The following IGFBP4 variants were observed in gnomAD, a reference collection of about 807,000 sequenced individuals.
IGFBP4 encodes insulin like growth factor binding protein 4, also known as insulin-like growth factor-binding protein 4.
A neutral mutation model predicts 25.8 loss-of-function variants in IGFBP4; 9 were observed. That is an observed-to-expected ratio of 0.35 (90% confidence interval 0.21 to 0.61). The LOEUF is 0.61. IGFBP4 is among the 20% of genes least tolerant of loss of function. The pLI is 0.77. For missense variants in IGFBP4, 315 were observed against 365.3 expected, an observed-to-expected ratio of 0.86 and a Z score of 1.12; for synonymous variants, 153 against 153.9, an observed-to-expected ratio of 0.99 and a Z score of 0.05.
intron 1 of IGFBP4, among the ~76,000 whole-genome samples, chr17:40,450,744 T>G (rs961945821): frequency 6.6e-6 from 1 of 151,738 alleles, no homozygotes; most frequent in Non-Finnish European, 1.5e-5. Context: ...AGGCTAGTCT[T>G]GAACTCCTGG....
In IGFBP4 at chr17:40,457,227, T is replaced by G. The variant is rs1007303082; in HGVS notation, c.*644T>G. On this transcript the variant is annotated 3_prime_UTR_variant, in exon 4 of 4. Coordinates refer to ENST00000269593, the MANE Select transcript of IGFBP4 (RefSeq NM_001552.3). ...GCTCAGACTTGCCAGGCTCCCTTTC[T>G]CTTCTTCCCCAGGTCCTTCCTTTAG... The G allele has an allele frequency of 1.3e-5, 2 of 152,246 alleles. No individual in the cohort carries two copies. Among genetic ancestry groups the G allele is most frequent in the Non-Finnish European group, 2.9e-5 (2 of 68,108 alleles). The allele number at this position is 152,246 out of a possible 1,614,324, so 9.4% of individuals were successfully genotyped here.
intron 1 of IGFBP4, among the ~76,000 whole-genome samples, chr17:40,447,366 C>A (rs1055020209): frequency 6.6e-6 from 1 of 152,224 alleles, no homozygotes; most frequent in African/African-American, 2.4e-5. Context: ...CTCATGGAAT[C>A]TGGGGGAGTG....
rs1016620407 is a variant in IGFBP4, at chr17:40,457,427, G to A, written c.*844G>A. On this transcript the variant is annotated 3_prime_UTR_variant, in exon 4 of 4. Transcript: ENST00000269593. ...AAGAGTGGACTGAATGTGCCTAATG[G>A]AGAAGACCCACGTGCTAGGGGATGA... 6.6e-6 allele frequency: 1 copy of A among 152,190 alleles called. No homozygotes were observed. Among genetic ancestry groups the A allele is most frequent in the Non-Finnish European group, 1.5e-5 (1 of 68,118 alleles). 9.4% of individuals were successfully genotyped at this position (152,190 alleles called of 1,614,324 possible). A position where few individuals can be genotyped will look rare whatever the true frequency, so the allele number is the denominator to read the frequency against.
Position 40,453,185 on chromosome 17 carries a change from C to CAG in IGFBP4, c.507+44_507+45insGA. On this transcript the variant is annotated intron_variant, in intron 2 of 3. Coordinates refer to ENST00000269593, the MANE Select transcript of IGFBP4 (RefSeq NM_001552.3). This position sits in a 1 kb window ranked among gnomAD's most constrained non-coding sequence, Gnocchi z 4.0. ...ACAAATGTGCATGTGCATAGACACA[C>CAG]ACACACACATGCCCCCTGCCCCCCA... 1 of 1,412,518 alleles carries CAG rather than the reference C, an allele frequency of 7.1e-7. No homozygotes were observed. Among genetic ancestry groups the CAG allele is most frequent in the East Asian group, 2.7e-5 (1 of 37,696 alleles). The allele number at this position is 1,412,518 out of a possible 1,614,324, so 87.5% of individuals were successfully genotyped here.
At chr17:40,448,674 C>G (rs1323111086) in intron 1 of IGFBP4, among the ~76,000 whole-genome samples, 2 of 152,224 alleles carry the variant, frequency 1.3e-5, no homozygotes, top group Non-Finnish European at 2.9e-5. Context: ...TCAAGAGACT[C>G]AATGCTATAA....
intron 1 of IGFBP4, among the ~76,000 whole-genome samples, chr17:40,452,012 A>T (rs1294384590): frequency 6.6e-6 from 1 of 151,808 alleles, no homozygotes; most frequent in African/African-American, 2.4e-5. Flanking sequence ...TAATTTTTAA[A>T]TTTTTTGTGA....
intron 1 of IGFBP4, among the ~76,000 whole-genome samples, chr17:40,445,793 C>T (rs1279608968): frequency 6.6e-6 from 1 of 152,068 alleles, no homozygotes; most frequent in Non-Finnish European, 1.5e-5. Context: ...GAGTCACGTT[C>T]CCTTTGAATC....
chr17:40,447,680 T>C (rs1229419145), intron 1 of IGFBP4, among the ~76,000 whole-genome samples: 1 of 152,230 alleles, frequency 6.6e-6, no homozygotes, highest in African/African-American at 2.4e-5. Flanking sequence ...GACAGAGTGC[T>C]GCAGAGCTAA....
rs766909574 is a variant in IGFBP4, at chr17:40,453,140, G to C, written c.505G>C (p.Val169Leu). 3.2e-6 allele frequency: 5 copies of C among 1,561,788 alleles called. No individual in the cohort carries two copies. The highest frequency in any genetic ancestry group is 1.9e-5 in the Admixed American group (1 of 53,030). ...GGCGCCCCGGGAGGATGCCCGGCCT[G>C]TGGTAAGGACCTCCGATGCACAAAT... ...NGAPREDARP[V>L]PQGSCQSELH... Residue 169 changes from valine (V) to leucine (L), a missense_variant and splice_region_variant, in exon 2 of 4, where the codon GTG becomes CTG. Val to Leu is a conservative substitution (Grantham distance 32). Transcript: ENST00000269593. This position sits in a 1 kb window ranked among gnomAD's most constrained non-coding sequence, Gnocchi z 4.0.
chr17:40,444,884 A>ACAC (rs2035632456), intron 1 of IGFBP4, among the ~76,000 whole-genome samples: 17 of 80,346 alleles, frequency 2.1e-4, no homozygotes, highest in East Asian at 1.9e-3. Flanking sequence ...GAGAGAGAGA[A>ACAC]ACACACACAC....
chr17:40,449,208 C>T (rs2035667798), intron 1 of IGFBP4, among the ~76,000 whole-genome samples: 1 of 152,334 alleles, frequency 6.6e-6, no homozygotes, highest in Non-Finnish European at 1.5e-5. Flanking sequence ...TGCCTCTGGA[C>T]TCACCCTGTG....
At chr17:40,452,784 G>A (rs937456701) in intron 1 of IGFBP4, among the ~76,000 whole-genome samples, 2 of 152,086 alleles carry the variant, frequency 1.3e-5, no homozygotes, top group African/African-American at 4.8e-5. Flanking sequence ...ACTTCAAGAG[G>A]AATATTCTCC....
intron 1 of IGFBP4, among the ~76,000 whole-genome samples, chr17:40,452,325 G>A (rs2035688048): frequency 6.6e-6 from 1 of 152,188 alleles, no homozygotes; most frequent in African/African-American, 2.4e-5. Context: ...AGGAATGTGT[G>A]AGGCTGTTCT....
intron 3 of IGFBP4, 74 bp downstream of exon 3, chr17:40,454,136 C>A: frequency 6.6e-7 from 1 of 1,519,948 alleles, no homozygotes; most frequent in South Asian, 1.3e-5. Flanking sequence ...GCAGGATGGT[C>A]CTGGATGGAG....
At chr17:40,449,514 C>T (rs771094886) in intron 1 of IGFBP4, among the ~76,000 whole-genome samples, 1 of 151,964 alleles carries the variant, frequency 6.6e-6, no homozygotes, top group Non-Finnish European at 1.5e-5. Flanking sequence ...TTTGAGAGGC[C>T]GAGGCAGGTG....
intron 3 of IGFBP4, among the ~76,000 whole-genome samples, chr17:40,454,722 G>A (rs1005703402): frequency 1.5e-4 from 23 of 152,328 alleles, no homozygotes; most frequent in African/African-American, 5.3e-4. Flanking sequence ...AGGAGGCTGG[G>A]ATGGTCAGCA....
At position 40,443,869 on chromosome 17, in the gene IGFBP4, A is replaced by G; in HGVS notation, c.134A>G (p.Glu45Gly). 2 of 1,531,362 alleles carry G rather than the reference A, an allele frequency of 1.3e-6. No individual in the cohort carries two copies. Among genetic ancestry groups the G allele is most frequent in the Non-Finnish European group, 1.7e-6 (2 of 1,144,944 alleles). 94.9% of individuals were successfully genotyped at this position (1,531,362 alleles called of 1,614,324 possible). Residue 45 changes from glutamate to glycine, a missense_variant, in exon 1 of 4, where the codon GAG becomes GGG. Glu to Gly is a moderately conservative substitution (Grantham distance 98). Coordinates refer to ENST00000269593, the MANE Select transcript of IGFBP4 (RefSeq NM_001552.3). ...LARCRPPVGC[E>G]ELVREPGCGC... is the part of the protein sequence containing the mutation. ...CGCTGCCGCCCCCCCGTGGGCTGCG[A>G]GGAGCTGGTGCGAGAGCCGGGCTGC... is the stretch of plus-strand genomic sequence containing the variant.
intron 1 of IGFBP4, among the ~76,000 whole-genome samples, chr17:40,451,176 C>T (rs1402904287): frequency 6.6e-6 from 1 of 152,150 alleles, no homozygotes; most frequent in Admixed American, 6.5e-5. Context: ...TTGGTTGACT[C>T]TTAGGAACTT....
At position 40,456,711 on chromosome 17, in the gene IGFBP4, A is replaced by C; in HGVS notation, c.*128A>C. ...CCTGCGGCCCAGAAGTTTCCCTCAA[A>C]TGCGCGTGTGCACGTGTGCGTGTGC... On this transcript the variant is annotated 3_prime_UTR_variant, in exon 4 of 4. Transcript: ENST00000269593. 3 of 900,260 alleles carry C rather than the reference A, an allele frequency of 3.3e-6. No homozygotes were observed. The highest frequency in any genetic ancestry group is 5.0e-6 in the Non-Finnish European group (3 of 599,094). 55.8% of individuals were successfully genotyped at this position (900,260 alleles called of 1,614,324 possible).
Sources: gnomAD v4.1 joint callset for allele counts (sites outside exome capture counted in the v4.1 genomes callset) on GRCh38, gnomAD v4.1.1 for gene constraint, Gnocchi (gnomAD v3.1) non-coding constraint, MANE v1.5 for transcripts, NCBI Gene and HGNC (gene_info 2026-07-23, HGNC 2026-07-21) for gene names.